ZNF684: variants seen among roughly 807,000 people sequenced by gnomAD.
ZNF684 encodes zinc finger protein 684.
ZNF684 carries 13 observed loss-of-function variants against 12.8 expected under a neutral mutation model. That is an observed-to-expected ratio of 1.02 (90% CI 0.66 to 1.62). The LOEUF is 1.62. Ranked by LOEUF, ZNF684 falls within the 40% of genes most tolerant of loss-of-function variation. The probability of loss-of-function intolerance (pLI) is 0.00; values close to 1 mark genes in which losing one functional copy is unlikely to be tolerated. For synonymous variants in ZNF684, 118 were observed against 151.8 expected (o/e 0.78, Z 1.64); for missense variants, 384 against 446.9 (o/e 0.86, Z 1.27).
In ZNF684 at chr1:40,540,574, G is replaced by A. The variant is rs1275390478; in HGVS notation, c.16-12G>A. 3.2e-6 allele frequency: 5 copies of A among 1,584,844 alleles called. No homozygotes were observed. Among genetic ancestry groups the A allele is most frequent in the South Asian group, 1.2e-5 (1 of 86,568 alleles). The stretch of plus-strand genomic sequence containing the variant: ...TACACACTTTAGTTTGAAGATAAAT[G>A]TGCTGTTACAGGAATCAGTGACATT... On this transcript the variant is annotated splice_polypyrimidine_tract_variant and intron_variant, in intron 2 of 4. Transcript: ENST00000372699.
At position 40,547,020 on chromosome 1, in the gene ZNF684, C is replaced by T. The variant is rs1173875359; in HGVS notation, c.697C>T (p.His233Tyr). The change falls in exon 5 of 5, where the codon CAC becomes TAC. Residue 233 changes from histidine (H) to tyrosine (Y), a missense_variant. Transcript: ENST00000372699. ...TATGCATAAAGCCCAACTCGTGGTC[C>T]ACCAGAGACTTCACACTGGAGAGAA... ...AFMHKAQLVV[H>Y]QRLHTGEKPY... 28 of 1,613,990 alleles carry T rather than the reference C, an allele frequency of 1.7e-5. No individual in the cohort carries two copies. Among genetic ancestry groups the T allele is most frequent in the Non-Finnish European group, 2.2e-5 (26 of 1,180,016 alleles).
At chr1:40,538,497 T>C (rs957229808) in intron 2 of ZNF684, among the ~76,000 whole-genome samples, 1 of 152,196 alleles carries the variant, frequency 6.6e-6, no homozygotes, top group Non-Finnish European at 1.5e-5. Context: ...TGTGGACAAA[T>C]GTCTTGAATT....
Position 40,546,765 on chromosome 1 carries a change from A to G in ZNF684, c.442A>G (p.Lys148Glu), listed in dbSNP as rs760619467. ...KCLPPNLDLL[K>E]YNRSYTVENA... ...TTTGCCACCTAATTTAGACTTACTT[A>G]AATATAATAGAAGTTATACTGTAGA... Residue 148 changes from lysine (K) to glutamate (E), a missense_variant, in exon 5 of 5, where the codon AAA (lysine) becomes GAA (glutamate). Physicochemically the swap from Lys to Glu is moderately conservative, Grantham distance 56. Transcript: ENST00000372699. The G allele has an allele frequency of 4.3e-6, 7 of 1,613,028 alleles. No individual in the cohort carries two copies. Among genetic ancestry groups the G allele is most frequent in the Non-Finnish European group, 5.9e-6 (7 of 1,179,680 alleles).
chr1:40,532,240 A>G (rs144191582), intron 1 of ZNF684, among the ~76,000 whole-genome samples: 102 of 152,278 alleles, frequency 6.7e-4, no homozygotes, highest in African/African-American at 2.3e-3. Flanking sequence ...AGTAAATGCT[A>G]TTACCATTTT....
At chr1:40,532,743 G>C (rs1645964680) in intron 1 of ZNF684, among the ~76,000 whole-genome samples, 1 of 152,144 alleles carries the variant, frequency 6.6e-6, no homozygotes, top group Non-Finnish European at 1.5e-5. Context: ...CGTCAGAGTA[G>C]AAACCAGAGA....
intron 4 of ZNF684, chr1:40,544,507 A>G: frequency 3.3e-6 from 1 of 307,456 alleles, no homozygotes; most frequent in Non-Finnish European, 6.4e-6. Context: ...GCCCGCCACC[A>G]TGCCTGGCTA....
At chr1:40,537,514 C>T (rs753504419) in intron 2 of ZNF684, among the ~76,000 whole-genome samples, 5 of 152,068 alleles carry the variant, frequency 3.3e-5, no homozygotes, top group Admixed American at 6.6e-5. Context: ...CCAAGGTGGG[C>T]GGATCACTTG....
intron 4 of ZNF684, among the ~76,000 whole-genome samples, chr1:40,546,208 G>A (rs972525972): frequency 5.9e-5 from 9 of 152,102 alleles, no homozygotes; most frequent in African/African-American, 1.7e-4. Flanking sequence ...GGCGTGAGCC[G>A]CCATGCCTGG....
intron 4 of ZNF684, among the ~76,000 whole-genome samples, chr1:40,542,643 T>C (rs995352514): frequency 6.6e-6 from 1 of 152,228 alleles, no homozygotes; most frequent in African/African-American, 2.4e-5. Flanking sequence ...CAACTTTTCA[T>C]TCCCATAATT....
In ZNF684 at chr1:40,546,921, G is replaced by A. The variant is rs558260625; in HGVS notation, c.598G>A (p.Ala200Thr). Residue 200 changes from alanine (A) to threonine (T), a missense_variant, in exon 5 of 5, where the codon GCA becomes ACA. Coordinates refer to ENST00000372699, the MANE Select transcript of ZNF684 (RefSeq NM_152373.4). ...CTGTGGAAAAGCCTATAGCAGGAAG[G>A]CACACCTTGCAACTCATCAGAAAAT... ...NDCGKAYSRK[A>T]HLATHQKIHN... is the part of the protein sequence containing the mutation. 352 of 1,614,144 alleles carry A rather than the reference G, an allele frequency of 2.2e-4. 2 individuals carry two copies. The South Asian group carries it at 3.2e-3, about 15-fold the overall frequency.
At chr1:40,540,743 T>C in intron 3 of ZNF684, 31 bp downstream of exon 3, 6 of 1,564,350 alleles carry the variant, frequency 3.8e-6, no homozygotes, top group Non-Finnish European at 4.3e-6. Flanking sequence ...CTTTTCAGTG[T>C]AATTCAGTGT....
At chr1:40,542,391 G>C (rs1646021081) in intron 4 of ZNF684, among the ~76,000 whole-genome samples, 2 of 151,980 alleles carry the variant, frequency 1.3e-5, no homozygotes, top group African/African-American at 4.8e-5. Flanking sequence ...GATAATTTGG[G>C]ATATGTCTTG....
intron 1 of ZNF684, among the ~76,000 whole-genome samples, chr1:40,532,593 G>T (rs1208551166): frequency 6.6e-6 from 1 of 151,230 alleles, no homozygotes; most frequent in Non-Finnish European, 1.5e-5. Context: ...AGGAGATGGC[G>T]AGTTTCTACA....
chr1:40,543,458 CTT>C (rs200468567), intron 4 of ZNF684, among the ~76,000 whole-genome samples: 19 of 132,714 alleles, frequency 1.4e-4, no homozygotes, highest in East Asian at 4.4e-4. Flanking sequence ...ATACAGTTTT[CTT>C]TTTTTTTTTT....
At chr1:40,541,906 G>A (rs542284848) in intron 4 of ZNF684, among the ~76,000 whole-genome samples, 196 bp downstream of exon 4, 1 of 152,168 alleles carries the variant, frequency 6.6e-6, no homozygotes, top group Non-Finnish European at 1.5e-5. Flanking sequence ...TTGCTCAGCT[G>A]TTGTATGGAG....
At chr1:40,535,413 C>T (rs1043181648) in intron 2 of ZNF684, among the ~76,000 whole-genome samples, 2 of 152,082 alleles carry the variant, frequency 1.3e-5, no homozygotes, top group African/African-American at 4.8e-5. Flanking sequence ...CAGAACCTGC[C>T]AACCAAGGGC....
rs1322582832 is a variant in ZNF684, at chr1:40,547,153, G to A, written c.830G>A (p.Gly277Glu). 5.6e-6 allele frequency: 9 copies of A among 1,614,190 alleles called. No homozygotes were observed. Among genetic ancestry groups the A allele is most frequent in the Non-Finnish European group, 7.6e-6 (9 of 1,180,044 alleles). ...AAGTCATTTGAATGTAAGGAATGTGGGAAAACCTTCAGGTATAGTTCATCC... is the reference window on the plus strand; with the variant it reads ...AAGTCATTTGAATGTAAGGAATGTGAGAAAACCTTCAGGTATAGTTCATCC... ...LEKSFECKECGKTFRYSSSLY... is the reference protein window; with the variant it reads ...LEKSFECKECEKTFRYSSSLY... The change falls in exon 5 of 5, where the codon GGG (glycine) becomes GAG (glutamate). Residue 277 changes from glycine to glutamate, a missense_variant. By Grantham distance (98) the Gly-to-Glu change is moderately conservative. Transcript: ENST00000372699.
intron 2 of ZNF684, among the ~76,000 whole-genome samples, chr1:40,539,721 G>A (rs1017941150): frequency 6.6e-6 from 1 of 151,702 alleles, no homozygotes; most frequent in South Asian, 2.1e-4. Flanking sequence ...TAATGATTTT[G>A]AGAATCTTTT....
chr1:40,541,333 G>A (rs1646014342), intron 3 of ZNF684: 1 of 234,892 alleles, frequency 4.3e-6, no homozygotes, highest in African/African-American at 2.2e-5. Flanking sequence ...ACAGGTGCCT[G>A]CTACCACGCC....
Sources: gnomAD v4.1 joint callset for allele counts (sites outside exome capture counted in the v4.1 genomes callset) on GRCh38, gnomAD v4.1.1 for gene constraint, MANE v1.5 for transcripts, NCBI Gene and HGNC (gene_info 2026-07-23, HGNC 2026-07-21) for gene names.